The following PXDN variants were observed in gnomAD, a reference collection of about 807,000 sequenced individuals.
PXDN encodes peroxidasin, also known as peroxidasin homolog.
A neutral mutation model predicts 140.3 loss-of-function variants in PXDN; 77 were observed. The observed-to-expected ratio is 0.55, with a 90% CI of 0.46 to 0.66. The LOEUF (loss-of-function observed/expected upper bound fraction) is 0.66, where lower values mean the gene tolerates loss of function less well. Among genes scored for constraint, PXDN ranks in the 30% least tolerant of loss-of-function variants. PXDN has a pLI of 0.00. For missense variants in PXDN, 1,838 were observed against 2,039.5 expected (o/e 0.90, Z 1.90); for synonymous variants, 911 against 857.4 (o/e 1.06, Z -1.09).
Position 1,648,861 on chromosome 2 carries a change from G to T in PXDN, c.2919C>A (p.Ala973=), listed in dbSNP as rs780425357. 2 of 1,600,896 alleles carry T rather than the reference G, an allele frequency of 1.2e-6. No homozygotes were observed. The highest frequency in any genetic ancestry group is 8.5e-7 in the Non-Finnish European group (1 of 1,176,660). Residue 973 remains alanine (A), a synonymous_variant, in exon 17 of 23, where the codon GCC becomes GCA. Transcript: ENST00000252804. The surrounding 1 kb of genome is among the most constrained non-coding windows in gnomAD (Gnocchi z 8.9). ...ENESPIPCFL[A]GDHRANEQLG... ...GCTGCTCGTTGGCGCGGTGGTCCCC[G>T]GCCAGGAAGCAGGGGATGGGGCTCT...
chr2:1,716,844 G>A (rs1684908205), intron 1 of PXDN, among the ~76,000 whole-genome samples: 1 of 152,164 alleles, frequency 6.6e-6, no homozygotes, highest in Admixed American at 6.5e-5. Context: ...AGGAAGCCCA[G>A]TTCCACTCCT....
At chr2:1,728,083 C>T (rs1685231042) in intron 1 of PXDN, among the ~76,000 whole-genome samples, 1 of 152,144 alleles carries the variant, frequency 6.6e-6, no homozygotes, top group African/African-American at 2.4e-5. Context: ...GGACTACAGG[C>T]GTATACCACC....
intron 1 of PXDN, among the ~76,000 whole-genome samples, chr2:1,707,960 C>G (rs1042880655): frequency 2.6e-5 from 4 of 152,242 alleles, no homozygotes; most frequent in African/African-American, 9.6e-5. Flanking sequence ...AGCGAGAGAA[C>G]GGAAACCAAA....
intron 21 of PXDN, 108 bp from the exon 22 acceptor site, chr2:1,635,629 C>T (rs1558481370): frequency 1.2e-6 from 1 of 849,630 alleles, no homozygotes; most frequent in East Asian, 2.7e-5. Flanking sequence ...AAATAAACAA[C>T]ATTTGAGGGG....
intron 1 of PXDN, among the ~76,000 whole-genome samples, chr2:1,731,773 C>T (rs6714510): frequency 0.49 from 74,612 of 151,862 alleles, 18,510 homozygotes; most frequent in Admixed American, 0.58. Flanking sequence ...AACATTTGCA[C>T]GGGGTTTTGT....
At chr2:1,736,025 C>T (rs1378827767) in intron 1 of PXDN, among the ~76,000 whole-genome samples, 1 of 152,208 alleles carries the variant, frequency 6.6e-6, no homozygotes, top group Non-Finnish European at 1.5e-5. Flanking sequence ...TTTCCTTAAA[C>T]CTCATGAACC....
rs1418327548 is a variant in PXDN at position 1,638,951 on chromosome 2, G to A, written c.4101C>T (p.Ser1367=). 3.7e-6 allele frequency: 6 copies of A among 1,613,996 alleles called. No individual in the cohort carries two copies. Among genetic ancestry groups the A allele is most frequent in the East Asian group, 2.2e-5 (1 of 44,882 alleles). ...GTGTGCTGAAGGCTGAGGTGCTGTT[G>A]CTGAGATGTTCCCCCTGTCTCCCAA... ...PSVGRQGEHL[S]NSTSAFSTRS... is the part of the protein sequence containing the mutation. The change falls in exon 21 of 23, where the codon AGC becomes AGT. Residue 1367 remains serine, a synonymous_variant. Transcript: ENST00000252804.
chr2:1,688,986 G>A (rs1684126102), intron 3 of PXDN, among the ~76,000 whole-genome samples: 1 of 152,106 alleles, frequency 6.6e-6, no homozygotes, highest in South Asian at 2.1e-4. Flanking sequence ...CTCCCTCCCT[G>A]CGAATTTGCA....
In PXDN at chr2:1,639,232, G is replaced by A. The variant is rs527794938; in HGVS notation, c.4073+70C>T. 1.3e-5 allele frequency: 21 copies of A among 1,555,738 alleles called. No individual in the cohort carries two copies. In the East Asian group the frequency reaches 2.6e-4, roughly 20 times the overall value. On this transcript the variant is annotated intron_variant, in intron 20 of 22. Coordinates refer to ENST00000252804, the MANE Select transcript of PXDN (RefSeq NM_012293.3). The surrounding 1 kb of genome is among the most constrained non-coding windows in gnomAD (Gnocchi z 5.0). ...CGCCACAGGCCCACAGCAGGATGCC[G>A]GTCCTACTGCCCGACGCCCGCGGTG...
chr2:1,662,803 A>G (rs1419377874), intron 12 of PXDN, among the ~76,000 whole-genome samples: 2 of 152,190 alleles, frequency 1.3e-5, no homozygotes, highest in Non-Finnish European at 2.9e-5. Flanking sequence ...GGCAGAGGGG[A>G]GCCCCTTCTA....
intron 1 of PXDN, among the ~76,000 whole-genome samples, chr2:1,704,786 G>A (rs558712945): frequency 7.9e-5 from 12 of 152,254 alleles, no homozygotes; most frequent in Admixed American, 5.2e-4. Context: ...TGCATGTCTC[G>A]GTGAGCAGAG....
At position 1,693,051 on chromosome 2, in the gene PXDN, A is replaced by G; in HGVS notation, c.272+12T>C. 1 of 1,528,188 alleles carries G rather than the reference A, an allele frequency of 6.5e-7. No homozygotes were observed. The highest frequency in any genetic ancestry group is 1.2e-5 in the South Asian group (1 of 83,672). The allele number at this position is 1,528,188 out of a possible 1,614,324, so 94.7% of individuals were successfully genotyped here. ...TTTTTCTATTAGTTTCCAATAGAAT[A>G]TTTCCACTCACAATGTGTTCAAGTT... On this transcript the variant is annotated intron_variant, in intron 2 of 22. Coordinates refer to ENST00000252804, the MANE Select transcript of PXDN (RefSeq NM_012293.3).
At chr2:1,675,143 G>A (rs776746975) in intron 8 of PXDN, among the ~76,000 whole-genome samples, 1 of 152,062 alleles carries the variant, frequency 6.6e-6, no homozygotes, top group Admixed American at 6.6e-5. Flanking sequence ...CCATAAACAA[G>A]ACTCTCTCTG....
chr2:1,725,087 A>C lies in PXDN; in HGVS notation c.200+19169T>G, dbSNP rs1342150792. On this transcript the variant is annotated intron_variant, in intron 1 of 22. Transcript: ENST00000252804. ...ATTCAGTTATTGCATCTCCTTGGTT[A>C]ATTTATTCCTAATTATTTTATTCTT... is the stretch of plus-strand genomic sequence containing the variant. Among the ~76,000 whole-genome samples the C allele has an allele frequency of 2.6e-5, 4 of 152,140 alleles. No individual in the cohort carries two copies. The East Asian group carries it at 7.7e-4, about 29-fold the overall frequency.
intron 4 of PXDN, 106 bp from the exon 5 acceptor site, chr2:1,684,257 G>A: frequency 1.2e-6 from 1 of 815,102 alleles, no homozygotes; most frequent in Non-Finnish European, 2.0e-6. Flanking sequence ...GATATCAATA[G>A]ATAGCTCACT....
Position 1,663,587 on chromosome 2 carries a change from C to T in PXDN, c.1567+18G>A, listed in dbSNP as rs1293173167. 2.5e-6 allele frequency: 4 copies of T among 1,613,160 alleles called. No homozygotes were observed. In the South Asian group the frequency reaches 4.4e-5, roughly 18 times the overall value. ...GATCTGAGAAAATCAATTCAGTCCA[C>T]AACCTCCTGGCACCTACCTCTGGGC... On this transcript the variant is annotated intron_variant, in intron 12 of 22. Transcript: ENST00000252804.
intron 6 of PXDN, among the ~76,000 whole-genome samples, chr2:1,682,668 G>A (rs761057916): frequency 6.6e-6 from 1 of 152,228 alleles, no homozygotes; most frequent in Non-Finnish European, 1.5e-5. Context: ...GGCCGGGTGC[G>A]GTGGCTCACG....
intron 1 of PXDN, among the ~76,000 whole-genome samples, chr2:1,741,433 G>C (rs985730781): frequency 4.6e-5 from 7 of 152,126 alleles, no homozygotes; most frequent in Admixed American, 2.6e-4. Flanking sequence ...CACAGGGCGC[G>C]GGCTCCTGCC....
intron 14 of PXDN, among the ~76,000 whole-genome samples, chr2:1,657,929 C>A (rs984381304): frequency 6.6e-6 from 1 of 150,400 alleles, no homozygotes; most frequent in Admixed American, 6.6e-5. Context: ...CTGACAGGAA[C>A]CTGCCCCCTC....
Sources: allele counts gnomAD v4.1 joint callset (sites outside exome capture counted in the v4.1 genomes callset), GRCh38; gene constraint gnomAD v4.1.1; non-coding constraint Gnocchi (gnomAD v3.1); transcripts MANE v1.5; gene names NCBI Gene and HGNC (gene_info 2026-07-23, HGNC 2026-07-21).